DYM: variants seen among roughly 807,000 people sequenced by gnomAD.
DYM encodes dymeclin.
A neutral mutation model predicts 93.1 loss-of-function variants in DYM; 78 were observed. The ratio of observed to expected loss-of-function variants is 0.84; its 90% confidence interval spans 0.70 to 1.01. The LOEUF is 1.01. Ranked by LOEUF, DYM falls within the 50% of genes least tolerant of loss-of-function variation. The pLI is 0.00. For synonymous variants in DYM, 321 were observed against 319.7 expected, an observed-to-expected ratio of 1.00 and a Z score of -0.04; for missense variants, 789 against 845.0, an observed-to-expected ratio of 0.93 and a Z score of 0.82.
chr18:49,282,040 T>G lies in DYM; in HGVS notation c.1082A>C (p.Asn361Thr). Residue 361 changes from asparagine (N) to threonine (T), a missense_variant, in exon 10 of 18, where the codon AAT (asparagine) becomes ACT (threonine). Physicochemically the swap from Asn to Thr is moderately conservative, Grantham distance 65 (BLOSUM62 0). This residue lies in a region of DYM where 450 missense variants were observed against 436.2 expected (regional missense o/e 1.03). Transcript: ENST00000675505. ...GCGAGCCAACATGTATGTTCTAATA[T>G]TACTATTTTGATGGAGCAAGGTATA... is the stretch of plus-strand genomic sequence containing the variant. ...LLYTLLHQNSNIRTYMLARTD... is the reference protein window; with the variant it reads ...LLYTLLHQNSTIRTYMLARTD... 2.5e-6 allele frequency: 4 copies of G among 1,614,054 alleles called. No homozygotes were observed. Among genetic ancestry groups the G allele is most frequent in the Non-Finnish European group, 3.4e-6 (4 of 1,179,944 alleles).
At chr18:49,238,385 A>G (rs1351940388) in intron 13 of DYM, among the ~76,000 whole-genome samples, 1 of 152,112 alleles carries the variant, frequency 6.6e-6, no homozygotes, top group Non-Finnish European at 1.5e-5. Context: ...CATAGTGTCT[A>G]CATGCAGCAA....
At chr18:49,060,921 C>G (rs910114010) in intron 17 of DYM, among the ~76,000 whole-genome samples, 2 of 151,940 alleles carry the variant, frequency 1.3e-5, no homozygotes, top group African/African-American at 4.8e-5. Flanking sequence ...AGAAGCCTGG[C>G]TGAGAAAAAG....
At chr18:49,244,059 A>C (rs958521950) in intron 13 of DYM, among the ~76,000 whole-genome samples, 4 of 152,164 alleles carry the variant, frequency 2.6e-5, no homozygotes, top group African/African-American at 9.7e-5. Flanking sequence ...TTCCTATAGT[A>C]ATTTTTCTTA....
intron 8 of DYM, among the ~76,000 whole-genome samples, chr18:49,292,592 GAAAAAAAAAAAAAA>G (rs72415237): frequency 0.088 from 6,953 of 78,804 alleles, 504 homozygotes; most frequent in Non-Finnish European, 0.12. Flanking sequence ...TTTCCTGTTG[GAAAAAAAAAAAAAA>G]AAAAAAAAAA....
At chr18:49,366,334 T>C (rs1785032499) in intron 5 of DYM, among the ~76,000 whole-genome samples, 1 of 152,232 alleles carries the variant, frequency 6.6e-6, no homozygotes, top group Admixed American at 6.5e-5. Context: ...ATTCAAGCAT[T>C]TCATACAGTA....
chr18:49,282,018 A>C lies in DYM; in HGVS notation c.1104T>G (p.Ala368=). 6.2e-7 allele frequency: 1 copy of C among 1,613,942 alleles called. No individual in the cohort carries two copies. Among genetic ancestry groups the C allele is most frequent in the Non-Finnish European group, 8.5e-7 (1 of 1,179,876 alleles). Residue 368 remains alanine (A), a synonymous_variant, in exon 10 of 18, where the codon GCT becomes GCG. Transcript: ENST00000675505. The part of the protein sequence containing the change: ...QNSNIRTYML[A]RTDMENLVLP... The stretch of plus-strand genomic sequence containing the variant: ...TTACAAGATTTTCCATATCTGTGCG[A>C]GCCAACATGTATGTTCTAATATTAC...
Position 49,081,517 on chromosome 18 carries a change from AGAGGGAGAGGGGAGAGGGGAG to A in DYM, c.2025+15864_2025+15884del, listed in dbSNP as rs1316764830. On this transcript the variant is annotated intron_variant, in intron 17 of 17. Transcript: ENST00000675505. ...TGGAAAGAGAGGGAGAGGGAGACCG[AGAGGGAGAGGGGAGAGGGGAG>A]AGGGGAGAGGGGAGAGGGGAGAGGG... Among the ~76,000 whole-genome samples, 13 of 109,286 alleles carry A rather than the reference AGAGGGAGAGGGGAGAGGGGAG, an allele frequency of 1.2e-4. No individual in the cohort carries two copies. In the South Asian group the frequency reaches 3.7e-3, roughly 31 times the overall value. 71.7% of individuals were successfully genotyped at this position (109,286 alleles called of 152,430 possible). A position where few individuals can be genotyped will look rare whatever the true frequency, so the allele number is the denominator to read the frequency against.
intron 5 of DYM, among the ~76,000 whole-genome samples, chr18:49,367,064 A>G (rs2066590489): frequency 6.6e-6 from 1 of 152,232 alleles, no homozygotes; most frequent in Non-Finnish European, 1.5e-5. Context: ...CACTGTAAAC[A>G]CAAAACCCCA....
At chr18:49,202,930 G>C (rs1409341526) in intron 14 of DYM, among the ~76,000 whole-genome samples, 5 of 136,154 alleles carry the variant, frequency 3.7e-5, no homozygotes, top group African/African-American at 1.4e-4. Context: ...CGCCTGGCCA[G>C]CCGCCCCATC....
chr18:49,206,741 A>G (rs2092533292), intron 14 of DYM, among the ~76,000 whole-genome samples: 1 of 152,130 alleles, frequency 6.6e-6, no homozygotes. Context: ...TTAACACTGT[A>G]TTTCTTCTCT....
chr18:49,412,111 C>T (rs890180448), intron 2 of DYM, among the ~76,000 whole-genome samples: 3 of 151,866 alleles, frequency 2.0e-5, no homozygotes, highest in Non-Finnish European at 4.4e-5. Context: ...CACAGACAAT[C>T]GTATATGCTG....
At position 49,222,682 on chromosome 18, in the gene DYM, C is replaced by T. The variant is rs79834060; in HGVS notation, c.1461-12967G>A. ...AAAAATGAAAATGTATCAATTACTA[C>T]TAGAGGTACCAAAGGCATGAAACTC... On this transcript the variant is annotated intron_variant, in intron 13 of 17. Coordinates refer to ENST00000675505, the MANE Select transcript of DYM (RefSeq NM_001353214.3). Among the ~76,000 whole-genome samples the T allele has an allele frequency of 3.4e-3, 524 of 152,134 alleles. 4 individuals are homozygous for T. The highest frequency in any genetic ancestry group is 0.012 in the African/African-American group (487 of 41,524).
chr18:49,075,186 T>C (rs777767746), intron 17 of DYM, among the ~76,000 whole-genome samples: 2 of 152,140 alleles, frequency 1.3e-5, no homozygotes, highest in Non-Finnish European at 1.5e-5. Context: ...CAAGTACTTA[T>C]GATGATGAGA....
chr18:49,278,661 A>G lies in DYM; in HGVS notation c.1125+3336T>C, dbSNP rs555347372. On this transcript the variant is annotated intron_variant, in intron 10 of 17. Transcript: ENST00000675505. ...TGAAGTAGCTGTGTTTCCTCCTTTT[A>G]GCTTATGATATGTTGAGAGCTGCTG... Among the ~76,000 whole-genome samples the G allele has an allele frequency of 2.0e-5, 3 of 152,218 alleles. No individual in the cohort carries two copies. In the South Asian group the frequency reaches 6.2e-4, roughly 32 times the overall value.
chr18:49,367,805 A>G (rs2066652377), intron 5 of DYM, among the ~76,000 whole-genome samples: 1 of 152,218 alleles, frequency 6.6e-6, no homozygotes, highest in Non-Finnish European at 1.5e-5. Flanking sequence ...ACAGGGCTGT[A>G]CTCCAAAAAT....
intron 10 of DYM, among the ~76,000 whole-genome samples, chr18:49,281,488 A>G (rs978254541): frequency 6.6e-6 from 1 of 152,230 alleles, no homozygotes; most frequent in Non-Finnish European, 1.5e-5. Context: ...ATGCTGCTAT[A>G]AAGACACATG....
At chr18:49,218,262 T>A (rs964275738) in intron 13 of DYM, among the ~76,000 whole-genome samples, 10 of 152,314 alleles carry the variant, frequency 6.6e-5, no homozygotes, top group Middle Eastern at 3.4e-3. Flanking sequence ...AAGCAAGTCC[T>A]GAGGGACCTA....
intron 17 of DYM, among the ~76,000 whole-genome samples, chr18:49,048,820 C>T (rs2071993532): frequency 6.6e-6 from 1 of 152,218 alleles, no homozygotes; most frequent in South Asian, 2.1e-4. Context: ...CATGACTATC[C>T]TTCCCACCAC....
At chr18:49,071,164 T>C (rs1039559630) in intron 17 of DYM, among the ~76,000 whole-genome samples, 2 of 152,208 alleles carry the variant, frequency 1.3e-5, no homozygotes, top group Non-Finnish European at 2.9e-5. Context: ...AGGAAAAATG[T>C]TGAATGCATG....
Sources: gnomAD v4.1 joint callset for allele counts (sites outside exome capture counted in the v4.1 genomes callset) on GRCh38, gnomAD v4.1.1 for gene constraint, gnomAD v4.1.1 regional missense constraint, MANE v1.5 for transcripts, NCBI Gene and HGNC (gene_info 2026-07-23, HGNC 2026-07-21) for gene names.